APBB2: variants seen among roughly 807,000 people sequenced by gnomAD.
The protein encoded by APBB2 is Fe65-like 1.
In APBB2, 38 loss-of-function variants were observed where a neutral mutation model predicts 82.5. The ratio of observed to expected loss-of-function variants is 0.46; its 90% confidence interval spans 0.36 to 0.60. The LOEUF is 0.60. Among genes scored for constraint, APBB2 ranks in the 20% least tolerant of loss-of-function variants. The pLI, the probability that APBB2 is intolerant of heterozygous loss-of-function variation, is 0.00. For synonymous variants in APBB2, 341 were observed against 368.2 expected (o/e 0.93, Z 0.85); for missense variants, 772 against 972.3 (o/e 0.79, Z 2.74).
chr4:41,016,264 G>A (rs62412117), intron 5 of APBB2, among the ~76,000 whole-genome samples: 7,000 of 152,216 alleles, frequency 0.046, 344 homozygotes, highest in African/African-American at 0.13. Context: ...ATTTTTATTT[G>A]CTTTGTTTAT....
chr4:40,943,270 C>T (rs1480633995), intron 7 of APBB2, among the ~76,000 whole-genome samples: 4 of 152,170 alleles, frequency 2.6e-5, no homozygotes, highest in Non-Finnish European at 2.9e-5. Flanking sequence ...CCAAATGGTG[C>T]CTTCACACCC....
At chr4:40,901,358 A>G (rs938964600) in intron 10 of APBB2, among the ~76,000 whole-genome samples, 1 of 150,732 alleles carries the variant, frequency 6.6e-6, no homozygotes, top group Non-Finnish European at 1.5e-5. Context: ...ATGCCAATCT[A>G]GTTTTGTTTT....
At chr4:41,168,801 C>T (rs1238012773) in intron 1 of APBB2, among the ~76,000 whole-genome samples, 1 of 152,148 alleles carries the variant, frequency 6.6e-6, no homozygotes, top group Admixed American at 6.5e-5. Context: ...CTGTGATTTA[C>T]AATAGAAAGT....
Position 41,086,686 on chromosome 4 carries a change from A to G in APBB2, c.-149+13953T>C, listed in dbSNP as rs528480314. Among the ~76,000 whole-genome samples the G allele has an allele frequency of 2.6e-5, 4 of 152,330 alleles. No homozygotes were observed. The South Asian group carries it at 6.2e-4, about 24-fold the overall frequency. The stretch of plus-strand genomic sequence containing the variant: ...TATCTCAGCATAATAAAGGTCATAT[A>G]TGAAAAGCCCACAGCTAATAGCATA... On this transcript the variant is annotated intron_variant, in intron 3 of 17. Transcript: ENST00000508593.
intron 15 of APBB2, among the ~76,000 whole-genome samples, 167 bp from the exon 16 acceptor site, chr4:40,823,926 G>A (rs1320827447): frequency 6.6e-6 from 1 of 152,136 alleles, no homozygotes; most frequent in East Asian, 1.9e-4. Flanking sequence ...CTTCTGGCCG[G>A]GCGTAGTGGC....
At chr4:41,148,616 G>T (rs1332964700) in intron 1 of APBB2, among the ~76,000 whole-genome samples, 3 of 152,208 alleles carry the variant, frequency 2.0e-5, no homozygotes, top group African/African-American at 4.8e-5. Flanking sequence ...CTGTGGGAAG[G>T]CTCAGGGGGC....
chr4:40,933,109 C>T (rs11933891), intron 10 of APBB2, among the ~76,000 whole-genome samples: 32,178 of 152,130 alleles, frequency 0.21, 3,584 homozygotes, highest in Admixed American at 0.27. Flanking sequence ...GGTGATCCGC[C>T]GCCCTCGGCC....
chr4:40,947,441 T>C (rs1452012272), intron 6 of APBB2, among the ~76,000 whole-genome samples: 1 of 152,214 alleles, frequency 6.6e-6, no homozygotes, highest in Admixed American at 6.5e-5. Context: ...TATGACACCA[T>C]GTCAGACCAA....
intron 6 of APBB2, among the ~76,000 whole-genome samples, chr4:41,011,136 T>A (rs1327438653): frequency 6.6e-6 from 1 of 150,642 alleles, no homozygotes; most frequent in Admixed American, 6.6e-5. Flanking sequence ...AATTTTAAAA[T>A]TGATTATTAT....
intron 10 of APBB2, among the ~76,000 whole-genome samples, chr4:40,920,532 C>T (rs1780997354): frequency 6.7e-6 from 1 of 150,224 alleles, no homozygotes; most frequent in Non-Finnish European, 1.5e-5. Flanking sequence ...CCACAACAAC[C>T]CCACAGGGAA....
At chr4:40,865,523 T>C (rs1368770293) in intron 12 of APBB2, among the ~76,000 whole-genome samples, 1 of 152,212 alleles carries the variant, frequency 6.6e-6, no homozygotes, top group Non-Finnish European at 1.5e-5. Flanking sequence ...GTTTTGCCTT[T>C]TCCAAAATGT....
In APBB2 at chr4:41,201,135, T is replaced by C. The variant is rs1169449817; in HGVS notation, c.-417+13270A>G. On this transcript the variant is annotated intron_variant, in intron 1 of 17. Coordinates refer to ENST00000508593, the MANE Select transcript of APBB2 (RefSeq NM_004307.2). Reference sequence around the variant, plus strand: ...AGGGCTCATTAAACACTGACCTTTATAATTCCTATAGGATCCCATAAGATT... The same window carrying C: ...AGGGCTCATTAAACACTGACCTTTACAATTCCTATAGGATCCCATAAGATT... 2.6e-5 allele frequency among the ~76,000 whole-genome samples: 4 copies of C among 152,324 alleles called. No homozygotes were observed. The East Asian group carries it at 7.7e-4, about 29-fold the overall frequency.
intron 6 of APBB2, among the ~76,000 whole-genome samples, chr4:40,951,148 G>A (rs1172617905): frequency 6.6e-6 from 1 of 152,226 alleles, no homozygotes; most frequent in East Asian, 1.9e-4. Context: ...AGCTCACAGA[G>A]AGGTTTCTCA....
rs149252834 is a variant in APBB2 at position 41,068,778 on chromosome 4, T to C, written c.-148-3105A>G. ...GTGTAGTTTAATTAAGCAAAACTATTACCAACCATCTTTTTTTTTTTTTTT... is the reference window on the plus strand; with the variant it reads ...GTGTAGTTTAATTAAGCAAAACTATCACCAACCATCTTTTTTTTTTTTTTT... On this transcript the variant is annotated intron_variant, in intron 3 of 17. Transcript: ENST00000508593. Among the ~76,000 whole-genome samples the C allele has an allele frequency of 7.7e-3, 1,125 of 146,614 alleles. 6 individuals carry two copies. The highest frequency in any genetic ancestry group is 0.014 in the Middle Eastern group (4 of 278).
At chr4:41,064,780 TAAG>T (rs1408418795) in intron 4 of APBB2, among the ~76,000 whole-genome samples, 1 of 152,182 alleles carries the variant, frequency 6.6e-6, no homozygotes, top group East Asian at 1.9e-4. Context: ...TGGAGAAGGC[TAAG>T]AAGTAAGAGC....
intron 12 of APBB2, among the ~76,000 whole-genome samples, chr4:40,836,787 C>T (rs1488186180): frequency 6.6e-6 from 1 of 152,170 alleles, no homozygotes; most frequent in East Asian, 1.9e-4. Flanking sequence ...GAGTTTGGGG[C>T]CCAGCCTGAG....
chr4:41,208,195 C>T (rs998992595), intron 1 of APBB2, among the ~76,000 whole-genome samples: 2 of 152,138 alleles, frequency 1.3e-5, no homozygotes, highest in Non-Finnish European at 2.9e-5. Context: ...TCTGGAATTC[C>T]GCAAAGTCTC....
At chr4:40,870,847 C>T (rs1012460849) in intron 12 of APBB2, among the ~76,000 whole-genome samples, 3 of 151,738 alleles carry the variant, frequency 2.0e-5, no homozygotes, top group African/African-American at 4.9e-5. Flanking sequence ...ATTCTCCTGC[C>T]TCAGCCTCCC....
rs559468220 is a variant in APBB2, at chr4:41,201,524, T to C, written c.-417+12881A>G. Among the ~76,000 whole-genome samples the C allele has an allele frequency of 4.6e-5, 7 of 152,330 alleles. No individual in the cohort carries two copies. The South Asian group carries it at 1.5e-3, about 32-fold the overall frequency. On this transcript the variant is annotated intron_variant, in intron 1 of 17. Coordinates refer to ENST00000508593, the MANE Select transcript of APBB2 (RefSeq NM_004307.2). ...TTTCACATGTTATCACAGTAAACCC[T>C]TCCCACAGCATGGCCAGGTAAGTAT...
Sources: allele counts gnomAD v4.1 joint callset (sites outside exome capture counted in the v4.1 genomes callset), GRCh38; gene constraint gnomAD v4.1.1; transcripts MANE v1.5; gene names NCBI Gene and HGNC (gene_info 2026-07-23, HGNC 2026-07-21).